The following PPP2R5C variants were observed in gnomAD, a reference collection of about 807,000 sequenced individuals.
The protein encoded by PPP2R5C is protein phosphatase 2 regulatory subunit B'gamma.
A neutral mutation model predicts 68.9 loss-of-function variants in PPP2R5C; 7 were observed. The ratio of observed to expected loss-of-function variants is 0.10; its 90% CI spans 0.06 to 0.19. The LOEUF (loss-of-function observed/expected upper bound fraction) is 0.19, where lower values mean the gene tolerates loss of function less well. PPP2R5C is among the 10% of genes least tolerant of loss of function. The pLI, the probability that PPP2R5C is intolerant of heterozygous loss-of-function variation, is 1.00. For synonymous variants in PPP2R5C, 210 were observed against 222.2 expected (o/e 0.95, Z 0.49); for missense variants, 348 against 641.3 (o/e 0.54, Z 4.94).
intron 11 of PPP2R5C, among the ~76,000 whole-genome samples, chr14:101,910,179 T>G (rs1034599589): frequency 6.6e-6 from 1 of 152,228 alleles, no homozygotes; most frequent in African/African-American, 2.4e-5. Flanking sequence ...CCTCGTGCCT[T>G]TGAGCCCACA....
At position 101,917,809 on chromosome 14, in the gene PPP2R5C, G is replaced by C; in HGVS notation, c.1327-22G>C. ...TCAGAGCCTGGGCACCTAACAGAGC[G>C]ACTCCACGCTTTGCATTGCAGTACA... On this transcript the variant is annotated intron_variant, in intron 12 of 13. Transcript: ENST00000334743. This position sits in a 1 kb window ranked among gnomAD's most constrained non-coding sequence, Gnocchi z 4.4. 6.2e-7 allele frequency: 1 copy of C among 1,612,716 alleles called. No individual in the cohort carries two copies. Among genetic ancestry groups the C allele is most frequent in the South Asian group, 1.1e-5 (1 of 90,968 alleles).
chr14:101,911,948 A>G (rs1040332315), intron 11 of PPP2R5C, among the ~76,000 whole-genome samples: 2 of 151,920 alleles, frequency 1.3e-5, no homozygotes, highest in Non-Finnish European at 1.5e-5. Flanking sequence ...CAGTGGAGTC[A>G]GTCAACAACC....
At chr14:101,773,246 GCGTCTC>G (rs978180445) in intron 2 of PPP2R5C, among the ~76,000 whole-genome samples, 2 of 152,234 alleles carry the variant, frequency 1.3e-5, no homozygotes, top group Admixed American at 1.3e-4. Context: ...GGGCGTGAGA[GCGTCTC>G]ACCTTTGCAG....
rs2044014953 is a variant in PPP2R5C, at chr14:101,879,480, C to T, written c.295-2681C>T. ...AGAAACCTCGGAAGCAGTGACCGTG[C>T]TTTCCTTCCAGGCGCCATGGTTCCT... On this transcript the variant is annotated intron_variant, in intron 2 of 13. Transcript: ENST00000334743. The surrounding 1 kb of genome is among the most constrained non-coding windows in gnomAD (Gnocchi z 4.2). 6.5e-6 allele frequency: 1 copy of T among 152,672 alleles called. No individual in the cohort carries two copies. The highest frequency in any genetic ancestry group is 2.4e-5 in the African/African-American group (1 of 41,464). The allele number at this position is 152,672 out of a possible 1,614,324, so 9.5% of individuals were successfully genotyped here.
chr14:101,832,599 C>T (rs1850392958), intron 1 of PPP2R5C, among the ~76,000 whole-genome samples: 1 of 152,128 alleles, frequency 6.6e-6, no homozygotes, highest in South Asian at 2.1e-4. Flanking sequence ...CTTCCCATCT[C>T]TTTCTTGGGT....
intron 13 of PPP2R5C, among the ~76,000 whole-genome samples, chr14:101,924,417 T>C (rs180712593): frequency 6.7e-6 from 1 of 149,962 alleles, no homozygotes; most frequent in East Asian, 2.0e-4. Flanking sequence ...TTCATTCTTT[T>C]TCTTTACCTC....
At chr14:101,907,405 A>C (rs1183113393) in intron 10 of PPP2R5C, among the ~76,000 whole-genome samples, 1 of 152,052 alleles carries the variant, frequency 6.6e-6, no homozygotes, top group Non-Finnish European at 1.5e-5. Context: ...TCCTGGACTC[A>C]AGTATTCCAC....
At chr14:101,907,823 G>A (rs781543200) in intron 10 of PPP2R5C, among the ~76,000 whole-genome samples, 3 of 152,170 alleles carry the variant, frequency 2.0e-5, no homozygotes, top group Non-Finnish European at 2.9e-5. Flanking sequence ...CTCCTTGTCC[G>A]CTCGAGGCTG....
intron 3 of PPP2R5C, among the ~76,000 whole-genome samples, chr14:101,792,266 T>A (rs1442639205): frequency 2.6e-5 from 4 of 152,240 alleles, no homozygotes; most frequent in African/African-American, 9.6e-5. Flanking sequence ...GATGACAGAT[T>A]GATATCTCTA....
intron 2 of PPP2R5C, among the ~76,000 whole-genome samples, chr14:101,768,221 C>G: frequency 6.6e-6 from 1 of 152,152 alleles, no homozygotes; most frequent in East Asian, 1.9e-4. Context: ...AGCCACTGCA[C>G]TATAAAGACA....
chr14:101,776,320 C>A (rs1196769684), intron 2 of PPP2R5C, among the ~76,000 whole-genome samples: 1 of 152,074 alleles, frequency 6.6e-6, no homozygotes, highest in Non-Finnish European at 1.5e-5. Context: ...CAGAAGAGGG[C>A]GAAAGGGGAA....
chr14:101,809,732 C>A, upstream of PPP2R5C: 4 of 1,085,466 alleles, frequency 3.7e-6, no homozygotes, highest in South Asian at 6.0e-5. Flanking sequence ...CACTGACAGC[C>A]AAACAGAACG....
chr14:101,893,236 A>C, intron 7 of PPP2R5C, 128 bp downstream of exon 9: 1 of 581,856 alleles, frequency 1.7e-6, no homozygotes, highest in Non-Finnish European at 3.0e-6. Context: ...TTGGTAACAA[A>C]CTTCTGGTGA....
At chr14:101,854,117 C>T (rs2042293608) in intron 1 of PPP2R5C, among the ~76,000 whole-genome samples, 1 of 152,152 alleles carries the variant, frequency 6.6e-6, no homozygotes, top group South Asian at 2.1e-4. Context: ...GCTGTAATGA[C>T]AGTTACTCGT....
intron 1 of PPP2R5C, chr14:101,820,158 T>C (rs2039964616): frequency 6.6e-6 from 1 of 152,212 alleles, no homozygotes; most frequent in Non-Finnish European, 1.5e-5. Flanking sequence ...TTGGCTGATA[T>C]TTTCTAGAAA....
intron 1 of PPP2R5C, chr14:101,839,237 C>A (rs2041307896): frequency 6.6e-6 from 1 of 151,902 alleles, no homozygotes; most frequent in Non-Finnish European, 1.5e-5. Context: ...GTAATCCCAG[C>A]TGCTCAGGAG....
chr14:101,828,030 G>C (rs1171605194), intron 1 of PPP2R5C, among the ~76,000 whole-genome samples: 6 of 152,144 alleles, frequency 3.9e-5, no homozygotes, highest in African/African-American at 1.2e-4. Context: ...TTTATGAAAT[G>C]TTCCTAGTCT....
intron 2 of PPP2R5C, among the ~76,000 whole-genome samples, chr14:101,863,834 G>A (rs947340288): frequency 7.2e-5 from 11 of 152,068 alleles, no homozygotes; most frequent in African/African-American, 2.7e-4. Flanking sequence ...GGAGTGGGAG[G>A]TTGCAGTGAG....
At chr14:101,866,914 T>C (rs1157251647) in intron 2 of PPP2R5C, among the ~76,000 whole-genome samples, 1 of 151,820 alleles carries the variant, frequency 6.6e-6, no homozygotes, top group East Asian at 1.9e-4. Flanking sequence ...AGACCTTGTG[T>C]CTACAAAAAA....
Sources: allele counts gnomAD v4.1 joint callset (sites outside exome capture counted in the v4.1 genomes callset), GRCh38; gene constraint gnomAD v4.1.1; non-coding constraint Gnocchi (gnomAD v3.1); transcripts MANE v1.5; gene names NCBI Gene and HGNC (gene_info 2026-07-23, HGNC 2026-07-21).